Variants in HTR7 observed in about 807,000 individuals in gnomAD.
HTR7 encodes the protein 5-HT-7.
Under a neutral mutation model 34.0 loss-of-function variants are expected in HTR7, and 16 were observed. The ratio of observed to expected loss-of-function variants is 0.47; its 90% CI spans 0.32 to 0.71. The LOEUF (loss-of-function observed/expected upper bound fraction) is 0.71. Among genes scored for constraint, HTR7 ranks in the 30% least tolerant of loss-of-function variants. The pLI is 0.04. For missense variants in HTR7, 504 were observed against 625.5 expected, an observed-to-expected ratio of 0.81 and a Z score of 2.07; for synonymous variants, 265 against 260.2, an observed-to-expected ratio of 1.02 and a Z score of -0.18.
chr10:90,777,476 G>A (rs564685890), intron 1 of HTR7, among the ~76,000 whole-genome samples: 174 of 123,192 alleles, frequency 1.4e-3, no homozygotes, highest in Admixed American at 2.0e-3. Flanking sequence ...GAGAGACTCC[G>A]TCTCAAAAAA....
chr10:90,829,088 T>A (rs1846126537), intron 1 of HTR7, among the ~76,000 whole-genome samples: 1 of 152,208 alleles, frequency 6.6e-6, no homozygotes, highest in South Asian at 2.1e-4. Context: ...CAAGCATAGT[T>A]CAACATATGT....
chr10:90,774,940 A>G (rs978794544), intron 1 of HTR7, among the ~76,000 whole-genome samples: 1 of 152,262 alleles, frequency 6.6e-6, no homozygotes, highest in Non-Finnish European at 1.5e-5. Flanking sequence ...TACAAAATAT[A>G]AAACAATCCT....
chr10:90,798,608 A>C (rs1446423695), intron 1 of HTR7, among the ~76,000 whole-genome samples: 1 of 152,170 alleles, frequency 6.6e-6, no homozygotes, highest in Non-Finnish European at 1.5e-5. Flanking sequence ...CCAGCAACTC[A>C]GGGACCAAGG....
chr10:90,789,443 A>T (rs1845432078), intron 1 of HTR7, among the ~76,000 whole-genome samples: 1 of 152,310 alleles, frequency 6.6e-6, no homozygotes, highest in South Asian at 2.1e-4. Context: ...GTCAGGAGGG[A>T]TATGCCACAC....
At chr10:90,794,068 C>T (rs1331187408) in intron 1 of HTR7, among the ~76,000 whole-genome samples, 3 of 152,186 alleles carry the variant, frequency 2.0e-5, no homozygotes, top group Admixed American at 1.3e-4. Flanking sequence ...AACACAGATA[C>T]ACCCAGGAAA....
intron 1 of HTR7, among the ~76,000 whole-genome samples, chr10:90,853,040 T>A (rs1396385503): frequency 6.6e-6 from 1 of 152,124 alleles, no homozygotes; most frequent in African/African-American, 2.4e-5. Flanking sequence ...ATACAAAGGA[T>A]AATAAGTCTA....
chr10:90,768,894 C>T (rs1468989607), intron 1 of HTR7, among the ~76,000 whole-genome samples: 1 of 152,198 alleles, frequency 6.6e-6, no homozygotes, highest in Non-Finnish European at 1.5e-5. Context: ...GCTGTCAGTC[C>T]TTCAGTTGGC....
At chr10:90,777,142 C>T (rs1334375149) in intron 1 of HTR7, among the ~76,000 whole-genome samples, 2 of 152,146 alleles carry the variant, frequency 1.3e-5, no homozygotes, top group African/African-American at 2.4e-5. Context: ...AAGGACCCAA[C>T]ATCCTTCTAA....
chr10:90,775,271 A>G (rs1845188649), intron 1 of HTR7, among the ~76,000 whole-genome samples: 1 of 152,222 alleles, frequency 6.6e-6, no homozygotes, highest in Non-Finnish European at 1.5e-5. Flanking sequence ...GCAAGGAAAC[A>G]AATCATCATC....
intron 1 of HTR7, among the ~76,000 whole-genome samples, chr10:90,806,641 A>T (rs911236330): frequency 1.3e-5 from 2 of 151,984 alleles, no homozygotes; most frequent in Non-Finnish European, 1.5e-5. Flanking sequence ...AAAAAATAAA[A>T]AAAAAGTTCC....
At chr10:90,755,592 C>T (rs987434426) in intron 1 of HTR7, among the ~76,000 whole-genome samples, 17 of 152,282 alleles carry the variant, frequency 1.1e-4, no homozygotes, top group Non-Finnish European at 1.9e-4. Flanking sequence ...AAATTACTCA[C>T]CTTCACCAAA....
intron 1 of HTR7, among the ~76,000 whole-genome samples, chr10:90,754,107 C>T (rs1348421647): frequency 6.6e-6 from 1 of 152,008 alleles, no homozygotes; most frequent in Non-Finnish European, 1.5e-5. Flanking sequence ...TAAGAGGATT[C>T]TGAGATTCCT....
chr10:90,780,747 AC>A (rs1353931403), intron 1 of HTR7, among the ~76,000 whole-genome samples: 4 of 152,156 alleles, frequency 2.6e-5, no homozygotes, highest in African/African-American at 9.7e-5. Flanking sequence ...ATCAAGAATG[AC>A]AAAATCAAAC....
At chr10:90,764,488 T>G (rs1249120346) in intron 1 of HTR7, among the ~76,000 whole-genome samples, 3 of 152,216 alleles carry the variant, frequency 2.0e-5, no homozygotes, top group Admixed American at 6.5e-5. Context: ...ATGTGTTGCT[T>G]TTGTATCTCA....
intron 1 of HTR7, among the ~76,000 whole-genome samples, chr10:90,770,510 C>T (rs1845091948): frequency 1.3e-5 from 2 of 152,206 alleles, no homozygotes; most frequent in South Asian, 4.1e-4. Flanking sequence ...GCCCACCAAC[C>T]CCTTGGGTTG....
At chr10:90,852,854 C>T (rs968421557) in intron 1 of HTR7, among the ~76,000 whole-genome samples, 3 of 152,186 alleles carry the variant, frequency 2.0e-5, no homozygotes, top group East Asian at 3.9e-4. Context: ...GCAATAGAAA[C>T]TAGAAAAGGA....
chr10:90,762,265 G>C (rs1160273944), intron 1 of HTR7, among the ~76,000 whole-genome samples: 1 of 152,184 alleles, frequency 6.6e-6, no homozygotes, highest in Non-Finnish European at 1.5e-5. Flanking sequence ...GTGCATAGGG[G>C]TTCCCTTTTC....
intron 1 of HTR7, among the ~76,000 whole-genome samples, chr10:90,813,415 G>A (rs1253812387): frequency 6.6e-6 from 1 of 152,088 alleles, no homozygotes; most frequent in Admixed American, 6.6e-5. Flanking sequence ...CCAGCTACTG[G>A]GGAGGCTGAG....
rs185944266 is a variant in HTR7, at chr10:90,831,467, G to C, written c.539+25666C>G. On this transcript the variant is annotated intron_variant, in intron 1 of 3. Coordinates refer to ENST00000336152, the MANE Select transcript of HTR7 (RefSeq NM_019859.4). The stretch of plus-strand genomic sequence containing the variant: ...GTGAAGCTGCAAATCTTCGCTGTGA[G>C]TGTTACAGCTCATAAAAGCAGTGTG... Among the ~76,000 whole-genome samples the C allele has an allele frequency of 1.7e-4, 26 of 152,306 alleles. 1 individual carries two copies. In the East Asian group the frequency reaches 4.6e-3, roughly 27 times the overall value.
Sources: gnomAD v4.1 joint callset for allele counts (sites outside exome capture counted in the v4.1 genomes callset) on GRCh38, gnomAD v4.1.1 for gene constraint, MANE v1.5 for transcripts, NCBI Gene and HGNC (gene_info 2026-07-23, HGNC 2026-07-21) for gene names.